DYNC2H1: variants seen among roughly 807,000 people sequenced by gnomAD.
DYNC2H1 encodes the protein dynein cytoplasmic 2 heavy chain 1, also known as cytoplasmic dynein 2 heavy chain 1.
Under a neutral mutation model 570.0 loss-of-function variants are expected in DYNC2H1, and 410 were observed. The ratio of observed to expected loss-of-function variants is 0.72; its 90% CI spans 0.66 to 0.78. DYNC2H1 has a LOEUF of 0.78. DYNC2H1 is among the 30% of genes least tolerant of loss of function. The pLI, the probability that DYNC2H1 is intolerant of heterozygous loss-of-function variation, is 0.00. For synonymous variants in DYNC2H1, 1,688 were observed against 1,677.6 expected, an observed-to-expected ratio of 1.01 and a Z score of -0.15; for missense variants, 4,865 against 5,046.4, an observed-to-expected ratio of 0.96 and a Z score of 1.09.
At chr11:103,238,387 G>T (rs1278450007) in intron 63 of DYNC2H1, among the ~76,000 whole-genome samples, 1 of 152,102 alleles carries the variant, frequency 6.6e-6, no homozygotes, top group African/African-American at 2.4e-5. Flanking sequence ...TGACCAACAT[G>T]GTGACACCCT....
intron 82 of DYNC2H1, among the ~76,000 whole-genome samples, chr11:103,337,008 C>G (rs551165311): frequency 1.3e-5 from 2 of 152,260 alleles, no homozygotes; most frequent in East Asian, 3.9e-4. Flanking sequence ...GGCCATGACG[C>G]CCACGCTGAA....
In DYNC2H1 at chr11:103,154,514, A is replaced by C; in HGVS notation, c.3366A>C (p.Lys1122Asn). 6.3e-7 allele frequency: 1 copy of C among 1,576,116 alleles called. No homozygotes were observed. Among genetic ancestry groups the C allele is most frequent in the African/African-American group, 1.3e-5 (1 of 74,270 alleles). Residue 1122 changes from lysine (K) to asparagine (N), a missense_variant, in exon 23 of 89, where the codon AAA becomes AAC. This residue lies in a region of DYNC2H1 where 1,936 missense variants were observed against 1,962.1 expected (regional missense o/e 0.99). Transcript: ENST00000375735. ...PNFSLASSIS[K>N]DIESCAQIWA... Reference sequence around the variant, plus strand: ...TCTCCCTGGCAAGTAGTATCTCTAAAGATATCGAGAGCTGTGCCCAAATTT... The same window carrying C: ...TCTCCCTGGCAAGTAGTATCTCTAACGATATCGAGAGCTGTGCCCAAATTT...
At position 103,203,851 on chromosome 11, in the gene DYNC2H1, T is replaced by G; in HGVS notation, c.8311+75T>G. 9.9e-7 allele frequency: 1 copy of G among 1,010,516 alleles called. No individual in the cohort carries two copies. Among genetic ancestry groups the G allele is most frequent in the Non-Finnish European group, 1.4e-6 (1 of 701,452 alleles). 62.6% of individuals were successfully genotyped at this position (1,010,516 alleles called of 1,614,324 possible). On this transcript the variant is annotated intron_variant, in intron 51 of 88. Transcript: ENST00000375735. The surrounding 1 kb of genome is among the most constrained non-coding windows in gnomAD (Gnocchi z 4.7). Reference sequence around the variant, plus strand: ...ATATATCATTTAATTTGCCTTATTTTGTCATTAGATTGCAAAGGTATCTTA... The same window carrying G: ...ATATATCATTTAATTTGCCTTATTTGGTCATTAGATTGCAAAGGTATCTTA...
At chr11:103,176,689 G>C (rs1861832191) in intron 37 of DYNC2H1, among the ~76,000 whole-genome samples, 1 of 151,864 alleles carries the variant, frequency 6.6e-6, no homozygotes, top group South Asian at 2.1e-4. Context: ...TGAAAGGCAG[G>C]ATCCATGTAT....
intron 80 of DYNC2H1, among the ~76,000 whole-genome samples, chr11:103,318,394 C>G (rs183842880): frequency 1.3e-5 from 2 of 152,254 alleles, no homozygotes; most frequent in Admixed American, 6.5e-5. Flanking sequence ...AAACTGGAAA[C>G]ATACAGCATA....
intron 85 of DYNC2H1, among the ~76,000 whole-genome samples, chr11:103,441,910 A>G (rs1006674129): frequency 2.6e-5 from 4 of 152,122 alleles, no homozygotes; most frequent in Non-Finnish European, 5.9e-5. Context: ...CATATTCTGC[A>G]TTTCTGGAAG....
intron 31 of DYNC2H1, 31 bp from the exon 32 acceptor site, chr11:103,168,724 T>C (rs578069077): frequency 6.3e-7 from 1 of 1,599,032 alleles, no homozygotes; most frequent in East Asian, 2.2e-5. Flanking sequence ...TAACATTTTC[T>C]CCAATTGTCA....
chr11:103,390,840 C>T (rs2135607625), intron 83 of DYNC2H1, among the ~76,000 whole-genome samples: 1 of 152,304 alleles, frequency 6.6e-6, no homozygotes, highest in East Asian at 1.9e-4. Flanking sequence ...TCTCTTCTGG[C>T]TTGTAGAGTT....
chr11:103,419,835 T>C (rs1943418857), intron 84 of DYNC2H1, among the ~76,000 whole-genome samples: 2 of 152,042 alleles, frequency 1.3e-5, no homozygotes, highest in Admixed American at 1.3e-4. Flanking sequence ...TAACGAAATT[T>C]GCTGAGCTAA....
chr11:103,470,758 T>A (rs1945353774), intron 88 of DYNC2H1, among the ~76,000 whole-genome samples: 1 of 152,252 alleles, frequency 6.6e-6, no homozygotes, highest in East Asian at 1.9e-4. Flanking sequence ...TCATTTTTTA[T>A]GGCTGCATAG....
chr11:103,143,131 T>G (rs1048825656), intron 17 of DYNC2H1, 137 bp from the exon 18 acceptor site: 12 of 776,076 alleles, frequency 1.5e-5, no homozygotes, highest in Non-Finnish European at 2.4e-5. Flanking sequence ...GCAGTAATGA[T>G]TATATTACTT....
intron 1 of DYNC2H1, 130 bp from the exon 2 acceptor site, chr11:103,113,407 T>C: frequency 1.5e-6 from 1 of 651,508 alleles, no homozygotes; most frequent in Non-Finnish European, 2.3e-6. Context: ...ATAAATTGGT[T>C]TTAATATATT....
chr11:103,195,346 G>T (rs568223065), intron 47 of DYNC2H1, among the ~76,000 whole-genome samples: 2 of 152,274 alleles, frequency 1.3e-5, no homozygotes, highest in African/African-American at 4.8e-5. Flanking sequence ...TCTGTATAGT[G>T]AATGAGACTT....
chr11:103,338,530 A>C (rs761473956), intron 82 of DYNC2H1, among the ~76,000 whole-genome samples: 2 of 152,050 alleles, frequency 1.3e-5, no homozygotes, highest in Non-Finnish European at 2.9e-5. Context: ...TGTACTCTTC[A>C]ATTTCTCTGT....
At position 103,289,068 on chromosome 11, in the gene DYNC2H1, G is replaced by A. The variant is rs1866482550; in HGVS notation, c.11095+1463G>A. ...CTGACACAACCTAGTCCGGTAATCT[G>A]GCTCAACCAATTCTGTGATCCCACC... On this transcript the variant is annotated intron_variant, in intron 75 of 88. Transcript: ENST00000375735. This position sits in a 1 kb window ranked among gnomAD's most constrained non-coding sequence, Gnocchi z 4.2. 6.6e-6 allele frequency among the ~76,000 whole-genome samples: 1 copy of A among 151,858 alleles called. No homozygotes were observed. The highest frequency in any genetic ancestry group is 1.5e-5 in the Non-Finnish European group (1 of 67,992).
At chr11:103,149,220 G>A (rs546082182) in intron 20 of DYNC2H1, among the ~76,000 whole-genome samples, 4 of 152,258 alleles carry the variant, frequency 2.6e-5, no homozygotes, top group African/African-American at 7.2e-5. Context: ...TACCTTTAGA[G>A]TTATAACTTT....
At chr11:103,212,625 A>G (rs2931806) in intron 54 of DYNC2H1, among the ~76,000 whole-genome samples, 141,638 of 152,120 alleles carry the variant, frequency 0.93, 65,975 homozygotes, top group African/African-American at 0.94. Context: ...TTTAACTATA[A>G]AGCTTTAACT....
chr11:103,126,805 A>AT (rs1221798314), intron 12 of DYNC2H1, among the ~76,000 whole-genome samples: 1 of 151,860 alleles, frequency 6.6e-6, no homozygotes, highest in Admixed American at 6.6e-5. Flanking sequence ...CACAGCTAAT[A>AT]TTTTTTGTAC....
At chr11:103,156,284 T>A in intron 25 of DYNC2H1, 104 bp from the exon 26 acceptor site, 1 of 1,212,866 alleles carries the variant, frequency 8.2e-7, no homozygotes, top group Non-Finnish European at 1.1e-6. Context: ...TGCCTTATGG[T>A]GAAAAGCCAG....
Sources: gnomAD v4.1 joint callset for allele counts (sites outside exome capture counted in the v4.1 genomes callset) on GRCh38, gnomAD v4.1.1 for gene constraint, gnomAD v4.1.1 regional missense constraint, Gnocchi (gnomAD v3.1) non-coding constraint, MANE v1.5 for transcripts, NCBI Gene and HGNC (gene_info 2026-07-23, HGNC 2026-07-21) for gene names.